The following ARID1A variants were observed in gnomAD, a reference collection of about 807,000 sequenced individuals.
ARID1A encodes AT-rich interaction domain 1A.
Under a neutral mutation model 212.6 loss-of-function variants are expected in ARID1A, and 20 were observed. That is an observed-to-expected ratio of 0.09 (90% CI 0.07 to 0.14). The LOEUF (loss-of-function observed/expected upper bound fraction) is 0.14, where lower values mean the gene tolerates loss of function less well. Ranked by LOEUF, ARID1A falls within the 10% of genes least tolerant of loss-of-function variation. The pLI is 1.00. For synonymous variants in ARID1A, 1,376 were observed against 1,222.1 expected (o/e 1.13, Z -2.63); for missense variants, 2,587 against 3,059.0 (o/e 0.85, Z 3.64).
rs1280812382 is a variant in ARID1A, at chr1:26,696,890, G to C, written c.487G>C (p.Ala163Pro). Residue 163 changes from alanine to proline, a missense_variant, in exon 1 of 20, where the codon GCC (alanine) becomes CCC (proline). Physicochemically the swap from Ala to Pro is conservative, Grantham distance 27. Around this residue, in one of 11 missense-constraint regions of ARID1A, gnomAD observed 735 missense variants for 590.6 expected, o/e 1.24. Transcript: ENST00000324856. ...CGGCCGGAGCCCGTCTGCCGTCGCC[G>C]CCGCCGCGGCCGCCGTCTTCCACCA... ...PYGRSPSAVA[A>P]AAAAVFHQQH... The C allele has an allele frequency of 2.9e-6, 4 of 1,362,252 alleles. No individual in the cohort carries two copies. In the African/African-American group the frequency reaches 6.1e-5, roughly 21 times the overall value. The allele number at this position is 1,362,252 out of a possible 1,614,324, so 84.4% of individuals were successfully genotyped here.
At chr1:26,742,573 T>C (rs1301739960) in intron 4 of ARID1A, among the ~76,000 whole-genome samples, 1 of 152,148 alleles carries the variant, frequency 6.6e-6, no homozygotes, top group Non-Finnish European at 1.5e-5. Context: ...CCATCCTAGA[T>C]TTATTGGATC....
intron 1 of ARID1A, 174 bp from the exon 2 acceptor site, chr1:26,729,477 G>T: frequency 1.5e-6 from 1 of 683,168 alleles, no homozygotes; most frequent in Non-Finnish European, 2.5e-6. Flanking sequence ...ACAAAATTAG[G>T]GTTCTGAGGC....
intron 2 of ARID1A, 52 bp from the exon 3 acceptor site, chr1:26,731,100 C>G (rs1570575402): frequency 6.5e-7 from 1 of 1,548,714 alleles, no homozygotes. Flanking sequence ...AACACTTCAT[C>G]TTTCCTCATG....
In ARID1A at chr1:26,774,693, C is replaced by T. The variant is rs1334329293; in HGVS notation, c.4466C>T (p.Ala1489Val). The change falls in exon 18 of 20, where the codon GCT becomes GTT. Residue 1489 changes from alanine to valine, a missense_variant. By Grantham distance (64) the Ala-to-Val change is moderately conservative (BLOSUM62 0). Transcript: ENST00000324856. The surrounding 1 kb of genome is among the most constrained non-coding windows in gnomAD (Gnocchi z 5.6). ...QMMGGPIQAS[A>V]EVAQQGTMWQ... ...ATGGGCGGCCCCATACAGGCATCAG[C>T]TGAGGTTGCTCAGCAAGGCACCATG... 3 of 1,614,252 alleles carry T rather than the reference C, an allele frequency of 1.9e-6. No individual in the cohort carries two copies. Among genetic ancestry groups the T allele is most frequent in the Admixed American group, 1.7e-5 (1 of 60,034 alleles).
intron 4 of ARID1A, among the ~76,000 whole-genome samples, chr1:26,752,235 G>A (rs1009309132): frequency 1.3e-5 from 2 of 152,186 alleles, no homozygotes; most frequent in Non-Finnish European, 2.9e-5. Context: ...TATTCTGTGT[G>A]TTGATTCTTT....
At chr1:26,730,064 C>T (rs2080658848) in intron 2 of ARID1A, among the ~76,000 whole-genome samples, 2 of 152,172 alleles carry the variant, frequency 1.3e-5, no homozygotes, top group Non-Finnish European at 2.9e-5. Flanking sequence ...ACTACTTACT[C>T]CCTGGTCACA....
chr1:26,762,105 TC>T, intron 6 of ARID1A, 46 bp from the exon 7 acceptor site: 1 of 1,524,468 alleles, frequency 6.6e-7, no homozygotes. Flanking sequence ...GAGCATTTGT[TC>T]GCATTGTATA....
At chr1:26,730,842 C>T (rs1034277978) in intron 2 of ARID1A, among the ~76,000 whole-genome samples, 1 of 152,036 alleles carries the variant, frequency 6.6e-6, no homozygotes. Flanking sequence ...CAGTCTAGGC[C>T]GTGATAAAAA....
chr1:26,774,132 T>C lies in ARID1A; in HGVS notation c.4102-197T>C. 8.4e-7 allele frequency: 1 copy of C among 1,195,726 alleles called. No homozygotes were observed. The highest frequency in any genetic ancestry group is 1.1e-6 in the Non-Finnish European group (1 of 880,068). The allele number at this position is 1,195,726 out of a possible 1,614,324, so 74.1% of individuals were successfully genotyped here. A position where few individuals can be genotyped will look rare whatever the true frequency, so the allele number is the denominator to read the frequency against. The stretch of plus-strand genomic sequence containing the variant: ...GATTTTTAGGTTTTGTATATTTTTC[T>C]ACTTAAGCAAGGGAAGGGAAGAAAG... On this transcript the variant is annotated intron_variant, in intron 17 of 19. Transcript: ENST00000324856. This position sits in a 1 kb window ranked among gnomAD's most constrained non-coding sequence, Gnocchi z 5.6.
intron 1 of ARID1A, among the ~76,000 whole-genome samples, chr1:26,722,079 T>G (rs976848578): frequency 6.6e-6 from 1 of 152,166 alleles, no homozygotes; most frequent in African/African-American, 2.4e-5. Flanking sequence ...ATGTTCTTGG[T>G]TTGACATCTG....
intron 4 of ARID1A, among the ~76,000 whole-genome samples, chr1:26,745,032 G>A (rs1186239216): frequency 6.6e-6 from 1 of 152,176 alleles, no homozygotes; most frequent in Non-Finnish European, 1.5e-5. Flanking sequence ...GGGATCATTT[G>A]ATAATACTGA....
chr1:26,739,200 T>C (rs535877279), intron 4 of ARID1A, among the ~76,000 whole-genome samples: 2 of 152,328 alleles, frequency 1.3e-5, no homozygotes, highest in East Asian at 3.9e-4. Flanking sequence ...CTTCTGTAAC[T>C]TTTCTTACTG....
intron 4 of ARID1A, among the ~76,000 whole-genome samples, chr1:26,748,817 G>A (rs1043092049): frequency 1.8e-4 from 28 of 151,968 alleles, no homozygotes; most frequent in African/African-American, 6.8e-4. Context: ...ACCAGTTAGC[G>A]GCCTATGGGA....
At position 26,697,159 on chromosome 1, in the gene ARID1A, T is replaced by C; in HGVS notation, c.756T>C (p.Pro252=). 6.9e-7 allele frequency: 1 copy of C among 1,438,942 alleles called. No individual in the cohort carries two copies. The highest frequency in any genetic ancestry group is 9.1e-7 in the Non-Finnish European group (1 of 1,099,486). The allele number at this position is 1,438,942 out of a possible 1,614,324, so 89.1% of individuals were successfully genotyped here. Residue 252 remains proline (P), a synonymous_variant, in exon 1 of 20, where the codon CCT becomes CCC. Coordinates refer to ENST00000324856, the MANE Select transcript of ARID1A (RefSeq NM_006015.6). ...GAAAAAGSKP[P]PSSSASASSS... ...CGGCGGCTGCCGGCTCCAAGCCGCCTCCCTCCTCCAGCGCCTCCGCCTCCT... is the reference window on the plus strand; with the variant it reads ...CGGCGGCTGCCGGCTCCAAGCCGCCCCCCTCCTCCAGCGCCTCCGCCTCCT...
intron 1 of ARID1A, among the ~76,000 whole-genome samples, chr1:26,709,593 C>T (rs1284862220): frequency 6.8e-6 from 1 of 147,882 alleles, no homozygotes; most frequent in Admixed American, 6.7e-5. Flanking sequence ...AAAATTTTCC[C>T]TAGTTTTTAG....
chr1:26,758,565 G>A (rs1268401054), intron 4 of ARID1A, among the ~76,000 whole-genome samples: 1 of 151,726 alleles, frequency 6.6e-6, no homozygotes, highest in Non-Finnish European at 1.5e-5. Flanking sequence ...GCTGTAGGGA[G>A]CTGGCATCAT....
intron 4 of ARID1A, among the ~76,000 whole-genome samples, chr1:26,752,277 C>T (rs2080891530): frequency 6.6e-6 from 1 of 152,214 alleles, no homozygotes; most frequent in Admixed American, 6.5e-5. Flanking sequence ...AGCAAGCCTG[C>T]TCTCTATGCA....
chr1:26,774,322 G>A lies in ARID1A; in HGVS notation c.4102-7G>A, dbSNP rs770681070. On this transcript the variant is annotated splice_polypyrimidine_tract_variant and splice_region_variant and intron_variant, in intron 17 of 19. Coordinates refer to ENST00000324856, the MANE Select transcript of ARID1A (RefSeq NM_006015.6). This position sits in a 1 kb window ranked among gnomAD's most constrained non-coding sequence, Gnocchi z 5.6. ...ATTAACTTCCCCTCTGCTTGTCTCT[G>A]CCTTAGAATTACAAGCGGCCAATGG... is the stretch of plus-strand genomic sequence containing the variant. 3 of 1,530,230 alleles carry A rather than the reference G, an allele frequency of 2.0e-6. No individual in the cohort carries two copies. The highest frequency in any genetic ancestry group is 2.6e-6 in the Non-Finnish European group (3 of 1,138,362). 94.8% of individuals were successfully genotyped at this position (1,530,230 alleles called of 1,614,324 possible).
intron 11 of ARID1A, chr1:26,770,845 C>T (rs2081077319): frequency 7.0e-6 from 3 of 431,114 alleles, no homozygotes; most frequent in Non-Finnish European, 1.2e-5. Flanking sequence ...AAAAACCGGA[C>T]TCTGAATTCT....
Sources: gnomAD v4.1 joint callset for allele counts (sites outside exome capture counted in the v4.1 genomes callset) on GRCh38, gnomAD v4.1.1 for gene constraint, gnomAD v4.1.1 regional missense constraint, Gnocchi (gnomAD v3.1) non-coding constraint, MANE v1.5 for transcripts, NCBI Gene and HGNC (gene_info 2026-07-23, HGNC 2026-07-21) for gene names.